Variants in GALK2 observed in about 807,000 individuals in gnomAD.
GALK2 encodes galactokinase 2.
A neutral mutation model predicts 52.4 loss-of-function variants in GALK2; 36 were observed. That is an observed-to-expected ratio of 0.69 (90% CI 0.53 to 0.91). The LOEUF (loss-of-function observed/expected upper bound fraction) is 0.91. Among genes scored for constraint, GALK2 ranks in the 40% least tolerant of loss-of-function variants. The pLI is 0.00. For synonymous variants in GALK2, 176 were observed against 199.1 expected, an observed-to-expected ratio of 0.88 and a Z score of 0.98; for missense variants, 579 against 559.1, an observed-to-expected ratio of 1.04 and a Z score of -0.36.
chr15:49,335,378 A>AGTATT, downstream of GALK2: 1 of 1,317,274 alleles, frequency 7.6e-7, no homozygotes, highest in African/African-American at 1.5e-5. Flanking sequence ...GTTCTAAAAA[A>AGTATT]GTATTATTTT....
intron 3 of GALK2, chr15:49,366,530 A>C: frequency 6.6e-7 from 1 of 1,510,644 alleles, no homozygotes; most frequent in Non-Finnish European, 9.2e-7. Context: ...GGTACTTGGA[A>C]GAGCTGACCA....
chr15:49,281,345 T>C (rs2032666284), intron 5 of GALK2, among the ~76,000 whole-genome samples: 2 of 152,246 alleles, frequency 1.3e-5, no homozygotes, highest in South Asian at 4.1e-4. Flanking sequence ...TCCCAGATTT[T>C]GGAAGCCTTC....
At chr15:49,276,996 G>GTC (rs2031821582) in intron 5 of GALK2, among the ~76,000 whole-genome samples, 2 of 126,164 alleles carry the variant, frequency 1.6e-5, no homozygotes, top group South Asian at 5.3e-4. Flanking sequence ...TTGAGACAGA[G>GTC]TCTCGCTCTG....
chr15:49,156,060 A>G, intron 1 of GALK2: 1 of 1,597,222 alleles, frequency 6.3e-7, no homozygotes, highest in Non-Finnish European at 8.6e-7. Context: ...TAGCCCACAC[A>G]TTGCGGTGGG....
intron 5 of GALK2, among the ~76,000 whole-genome samples, chr15:49,258,456 G>T (rs934421747): frequency 6.6e-6 from 1 of 152,060 alleles, no homozygotes; most frequent in African/African-American, 2.4e-5. Flanking sequence ...TCCTGAGGTG[G>T]TGGGATATTG....
intron 5 of GALK2, among the ~76,000 whole-genome samples, chr15:49,273,855 C>T (rs1391453071): frequency 6.6e-6 from 1 of 152,144 alleles, no homozygotes. Context: ...AATGTTTTTA[C>T]TTTATCTAGA....
chr15:49,178,227 A>ATATATATG, intron 1 of GALK2, among the ~76,000 whole-genome samples: 1 of 113,454 alleles, frequency 8.8e-6, no homozygotes. Context: ...ATATATATAT[A>ATATATATG]GAAATAAAAT....
chr15:49,229,884 G>T (rs563526525), intron 3 of GALK2, among the ~76,000 whole-genome samples: 2 of 152,248 alleles, frequency 1.3e-5, no homozygotes, highest in South Asian at 4.1e-4. Flanking sequence ...ATCCATGGTG[G>T]CTCTGCTGCT....
chr15:49,207,364 T>G (rs1453278599), intron 2 of GALK2, among the ~76,000 whole-genome samples: 1 of 152,138 alleles, frequency 6.6e-6, no homozygotes, highest in Non-Finnish European at 1.5e-5. Flanking sequence ...AATGAATTCG[T>G]AAAATGAATT....
At chr15:49,169,759 G>A (rs73390358), upstream of GALK2, among the ~76,000 whole-genome samples, 2,577 of 152,252 alleles carry the variant, frequency 0.017, 69 homozygotes, top group African/African-American at 0.059. Flanking sequence ...GTAAATAAAT[G>A]CAAATCTATT....
chr15:49,178,592 C>A, intron 1 of GALK2: 1 of 229,258 alleles, frequency 4.4e-6, no homozygotes, highest in Non-Finnish European at 9.0e-6. Flanking sequence ...GTAGCCCTGT[C>A]GGTGCACTTT....
intron 5 of GALK2, among the ~76,000 whole-genome samples, chr15:49,274,000 C>T (rs925753111): frequency 2.0e-5 from 3 of 152,122 alleles, no homozygotes; most frequent in Non-Finnish European, 2.9e-5. Flanking sequence ...TGTTGCTGCC[C>T]TTGGGCCTGA....
intron 1 of GALK2, among the ~76,000 whole-genome samples, chr15:49,196,844 T>C (rs1434575026): frequency 6.6e-6 from 1 of 152,230 alleles, no homozygotes; most frequent in African/African-American, 2.4e-5. Flanking sequence ...AGAAATATCC[T>C]TCTGGTAGGC....
intron 2 of GALK2, among the ~76,000 whole-genome samples, chr15:49,203,949 T>C (rs2088021180): frequency 6.6e-6 from 1 of 152,116 alleles, no homozygotes; most frequent in African/African-American, 2.4e-5. Flanking sequence ...ACCTCGTCTC[T>C]GCTAAAAATA....
chr15:49,339,787 T>C lies in GALK2; in HGVS notation c.426+19982T>C, dbSNP rs184769561. Among the ~76,000 whole-genome samples, 384 of 152,322 alleles carry C rather than the reference T, an allele frequency of 2.5e-3. 3 individuals carry two copies. Among genetic ancestry groups the C allele is most frequent in the African/African-American group, 8.7e-3 (360 of 41,578 alleles). On this transcript the variant is annotated intron_variant, in intron 3 of 3. Coordinates refer to the GALK2 transcript ENST00000558399. ...GGGGGTTTTATCTATAAGTCCCTGATTGGGGCTGGTGCCTTTTTTTCAGAG... is the reference window on the plus strand; with the variant it reads ...GGGGGTTTTATCTATAAGTCCCTGACTGGGGCTGGTGCCTTTTTTTCAGAG...
intron 1 of GALK2, among the ~76,000 whole-genome samples, chr15:49,159,575 CAAAAAAA>C (rs71458473): frequency 7.7e-6 from 1 of 130,086 alleles, no homozygotes; most frequent in African/African-American, 3.1e-5. Context: ...GACTCTGTCT[CAAAAAAA>C]AAAAAAAAAA....
chr15:49,228,078 AAAT>A (rs1328132314), intron 3 of GALK2, among the ~76,000 whole-genome samples: 14 of 152,292 alleles, frequency 9.2e-5, no homozygotes, highest in Admixed American at 2.6e-4. Context: ...TTCTGCTGAG[AAAT>A]CCACTGTTGT....
At chr15:49,360,497 T>C (rs918598565) in intron 3 of GALK2, among the ~76,000 whole-genome samples, 1 of 152,220 alleles carries the variant, frequency 6.6e-6, no homozygotes, top group African/African-American at 2.4e-5. Context: ...GTTAAAAAAA[T>C]TATTAAATTT....
intron 2 of GALK2, among the ~76,000 whole-genome samples, chr15:49,213,888 C>T (rs551640700): frequency 3.9e-5 from 6 of 152,082 alleles, no homozygotes; most frequent in South Asian, 2.1e-4. Flanking sequence ...CAGGTGGAGG[C>T]GGGTGGATCA....
Sources: allele counts gnomAD v4.1 joint callset (sites outside exome capture counted in the v4.1 genomes callset), GRCh38; gene constraint gnomAD v4.1.1; transcripts MANE v1.5; gene names NCBI Gene and HGNC (gene_info 2026-07-23, HGNC 2026-07-21).